The following SNTG1 variants were observed in gnomAD, a reference collection of about 807,000 sequenced individuals.
SNTG1 encodes the protein syntrophin gamma 1, also known as gamma-1-syntrophin.
In SNTG1, 39 loss-of-function variants were observed where a neutral mutation model predicts 74.7. The ratio of observed to expected loss-of-function variants is 0.52; its 90% confidence interval spans 0.40 to 0.68. The LOEUF is 0.68. Among genes scored for constraint, SNTG1 ranks in the 30% least tolerant of loss-of-function variants. SNTG1 has a pLI of 0.00. For missense variants in SNTG1, 685 were observed against 609.5 expected (o/e 1.12, Z -1.30); for synonymous variants, 254 against 217.1 (o/e 1.17, Z -1.49).
upstream of SNTG1, chr8:49,911,279 G>A (rs1805565623): frequency 6.6e-6 from 1 of 151,982 alleles, no homozygotes; most frequent in Non-Finnish European, 1.5e-5. Flanking sequence ...AAAGATCCAC[G>A]AGCTTTCCAA....
intron 17 of SNTG1, among the ~76,000 whole-genome samples, chr8:50,740,669 A>G (rs550779135): frequency 5.9e-5 from 9 of 152,020 alleles, no homozygotes; most frequent in Admixed American, 1.3e-4. Flanking sequence ...AGATTGTTCT[A>G]TCATAAAGAG....
chr8:50,706,557 T>C (rs2095444019), intron 16 of SNTG1, among the ~76,000 whole-genome samples: 1 of 152,166 alleles, frequency 6.6e-6, no homozygotes, highest in African/African-American at 2.4e-5. Flanking sequence ...AATCTGGGCT[T>C]TGTATTCTGT....
chr8:49,979,041 TG>T (rs1812432693), intron 1 of SNTG1, among the ~76,000 whole-genome samples: 3 of 152,206 alleles, frequency 2.0e-5, no homozygotes, highest in Admixed American at 6.5e-5. Flanking sequence ...AATTCTTCCT[TG>T]GACAAGCTGA....
intron 18 of SNTG1, among the ~76,000 whole-genome samples, chr8:50,759,251 C>T (rs1292653255): frequency 1.3e-4 from 20 of 151,968 alleles, no homozygotes; most frequent in Admixed American, 1.3e-3. Context: ...TTCCCCCATT[C>T]TGTAGGTGGC....
intron 18 of SNTG1, among the ~76,000 whole-genome samples, chr8:50,752,891 A>T (rs923381879): frequency 6.6e-6 from 1 of 151,758 alleles, no homozygotes; most frequent in African/African-American, 2.4e-5. Context: ...CTTTTCTCTC[A>T]ACTGTTTTCC....
chr8:50,688,236 G>T (rs1430215152), intron 15 of SNTG1, among the ~76,000 whole-genome samples: 1 of 152,048 alleles, frequency 6.6e-6, no homozygotes, highest in Non-Finnish European at 1.5e-5. Flanking sequence ...AGTTTCTTTT[G>T]CTGTGCAGAA....
At chr8:50,370,283 C>T (rs937551014) in intron 2 of SNTG1, among the ~76,000 whole-genome samples, 2 of 152,102 alleles carry the variant, frequency 1.3e-5, no homozygotes, top group Non-Finnish European at 2.9e-5. Context: ...AAATCAGGTG[C>T]AGAATACCAC....
intron 8 of SNTG1, among the ~76,000 whole-genome samples, chr8:50,486,885 C>T (rs201641575): frequency 1.3e-5 from 2 of 152,120 alleles, no homozygotes; most frequent in African/African-American, 4.8e-5. Flanking sequence ...TGTCAAAGGC[C>T]TTTTCTGCAT....
chr8:50,093,506 G>T (rs939887072), intron 1 of SNTG1, among the ~76,000 whole-genome samples: 10 of 152,090 alleles, frequency 6.6e-5, no homozygotes, highest in Non-Finnish European at 1.5e-4. Flanking sequence ...TTTCTGTGAA[G>T]CCAAGTGAAA....
intron 2 of SNTG1, among the ~76,000 whole-genome samples, chr8:50,203,137 C>T (rs552077525): frequency 6.6e-6 from 1 of 152,196 alleles, no homozygotes; most frequent in South Asian, 2.1e-4. Flanking sequence ...TGTTAACATG[C>T]CTTCAAGCTC....
intron 12 of SNTG1, among the ~76,000 whole-genome samples, chr8:50,573,827 T>A (rs1243435347): frequency 6.6e-6 from 1 of 151,938 alleles, no homozygotes; most frequent in African/African-American, 2.4e-5. Context: ...TAATAACTTA[T>A]AAGTATACTT....
intron 1 of SNTG1, among the ~76,000 whole-genome samples, chr8:49,912,628 A>G (rs1805676649): frequency 6.6e-6 from 1 of 152,232 alleles, no homozygotes; most frequent in African/African-American, 2.4e-5. Flanking sequence ...GGGTTTAACC[A>G]TGCCCTCTAA....
intron 1 of SNTG1, among the ~76,000 whole-genome samples, chr8:50,125,606 C>T (rs921368422): frequency 1.4e-5 from 2 of 141,698 alleles, no homozygotes; most frequent in African/African-American, 2.6e-5. Context: ...AATAAATACT[C>T]TACTACTGAA....
intron 1 of SNTG1, among the ~76,000 whole-genome samples, chr8:50,080,076 A>G (rs1822267335): frequency 6.6e-6 from 1 of 152,174 alleles, no homozygotes; most frequent in Non-Finnish European, 1.5e-5. Context: ...GCTGTAATAT[A>G]AAAACACAAT....
intron 2 of SNTG1, among the ~76,000 whole-genome samples, chr8:50,313,400 T>G (rs929307403): frequency 2.0e-5 from 3 of 149,628 alleles, no homozygotes; most frequent in Non-Finnish European, 4.4e-5. Flanking sequence ...GAGAAAAATA[T>G]TTGCAAATTG....
chr8:50,177,202 GAA>G (rs1229700500), intron 2 of SNTG1, among the ~76,000 whole-genome samples: 1 of 152,216 alleles, frequency 6.6e-6, no homozygotes, highest in East Asian at 1.9e-4. Context: ...CAGAATTACA[GAA>G]ACTCTGGAGC....
chr8:50,121,959 A>G (rs2081010619), intron 1 of SNTG1, among the ~76,000 whole-genome samples: 1 of 142,384 alleles, frequency 7.0e-6, no homozygotes, highest in African/African-American at 2.5e-5. Context: ...TTTTAGTAAT[A>G]GTGCATTTTG....
intron 2 of SNTG1, among the ~76,000 whole-genome samples, chr8:50,294,663 G>T (rs928032960): frequency 6.6e-6 from 1 of 152,160 alleles, no homozygotes; most frequent in African/African-American, 2.4e-5. Context: ...TGGCAAATCT[G>T]CTTTCCCCAG....
chr8:49,919,094 A>G (rs1391395124), intron 1 of SNTG1, among the ~76,000 whole-genome samples: 2 of 151,710 alleles, frequency 1.3e-5, no homozygotes, highest in African/African-American at 2.4e-5. Context: ...ACTCCTGTCT[A>G]TGTTTCTGTT....
Sources: allele counts gnomAD v4.1 joint callset (sites outside exome capture counted in the v4.1 genomes callset), GRCh38; gene constraint gnomAD v4.1.1; transcripts MANE v1.5; gene names NCBI Gene and HGNC (gene_info 2026-07-23, HGNC 2026-07-21).